LSAMP: variants seen among roughly 807,000 people sequenced by gnomAD.
The protein encoded by LSAMP is limbic system-associated membrane protein.
In LSAMP, 7 loss-of-function variants were observed where a neutral mutation model predicts 38.6. The observed-to-expected ratio is 0.18, with a 90% CI of 0.10 to 0.34. The LOEUF is 0.34. Among genes scored for constraint, LSAMP ranks in the 10% least tolerant of loss-of-function variants. LSAMP has a pLI of 1.00. For missense variants in LSAMP, 313 were observed against 420.0 expected (o/e 0.75, Z 2.23); for synonymous variants, 154 against 166.8 (o/e 0.92, Z 0.59).
chr3:116,170,170 T>C (rs1237297762), intron 1 of LSAMP, among the ~76,000 whole-genome samples: 2 of 152,156 alleles, frequency 1.3e-5, no homozygotes, highest in Admixed American at 6.6e-5. Context: ...AGATTAGACA[T>C]AACTAAATAA....
chr3:115,991,702 A>G (rs1241186025), intron 3 of LSAMP, among the ~76,000 whole-genome samples: 13 of 152,104 alleles, frequency 8.5e-5, no homozygotes, highest in Admixed American at 6.6e-4. Context: ...CACTCTGTCT[A>G]ACCTATTCTT....
chr3:116,367,123 T>C (rs2048365091), intron 1 of LSAMP, among the ~76,000 whole-genome samples: 1 of 152,142 alleles, frequency 6.6e-6, no homozygotes, highest in African/African-American at 2.4e-5. Context: ...GCTAAGATAA[T>C]TGGATTGTTT....
Position 115,810,247 on chromosome 3 carries a change from C to G in LSAMP, c.*70G>C, listed in dbSNP as rs1933777285. Reference sequence around the variant, plus strand: ...TCTCTCTCTCTCTCTCTCTCTCTGTCTCTCTCTCTCTGTATTCTGTGTGAC... The same window carrying G: ...TCTCTCTCTCTCTCTCTCTCTCTGTGTCTCTCTCTCTGTATTCTGTGTGAC... On this transcript the variant is annotated 3_prime_UTR_variant, in exon 7 of 7. Coordinates refer to ENST00000490035, the MANE Select transcript of LSAMP (RefSeq NM_002338.5). The G allele has an allele frequency of 3.4e-6, 3 of 889,184 alleles. No homozygotes were observed. Among genetic ancestry groups the G allele is most frequent in the African/African-American group, 1.7e-5 (1 of 57,704 alleles). The allele number at this position is 889,184 out of a possible 1,614,324, so 55.1% of individuals were successfully genotyped here.
chr3:116,088,423 C>A (rs1708042900), intron 1 of LSAMP, among the ~76,000 whole-genome samples: 1 of 152,098 alleles, frequency 6.6e-6, no homozygotes, highest in Non-Finnish European at 1.5e-5. Context: ...ATTCCAGACT[C>A]AGTTTTACTT....
intron 1 of LSAMP, among the ~76,000 whole-genome samples, chr3:116,213,462 A>T (rs1027094433): frequency 2.6e-5 from 4 of 152,184 alleles, no homozygotes; most frequent in African/African-American, 7.2e-5. Context: ...AGCCATGTGG[A>T]ATTGTAAGTC....
intron 1 of LSAMP, among the ~76,000 whole-genome samples, chr3:116,148,463 T>A (rs1348717485): frequency 6.6e-6 from 1 of 151,976 alleles, no homozygotes; most frequent in Non-Finnish European, 1.5e-5. Flanking sequence ...GACATGTTGC[T>A]ACAACATAAA....
chr3:116,019,619 A>T lies in LSAMP; in HGVS notation c.410T>A (p.Ile137Asn). 1 of 1,612,574 alleles carries T rather than the reference A, an allele frequency of 6.2e-7. No homozygotes were observed. The highest frequency in any genetic ancestry group is 8.5e-7 in the Non-Finnish European group (1 of 1,178,900). ...IVQVPPKISN[I>N]SSDVTVNEGS... is the part of the protein sequence containing the mutation. ...CTCATTCACAGTGACATCCGAGGAG[A>T]TATTGGAGATCTTTGGTGGGACTGT... The change falls in exon 3 of 7, where the codon ATC (isoleucine) becomes AAC (asparagine). Residue 137 changes from isoleucine to asparagine, a missense_variant. Transcript: ENST00000490035.
At chr3:116,388,649 C>T (rs2048655562) in intron 1 of LSAMP, among the ~76,000 whole-genome samples, 2 of 152,216 alleles carry the variant, frequency 1.3e-5, no homozygotes, top group South Asian at 2.1e-4. Flanking sequence ...TTCAGCTTCA[C>T]TGTCTTCTCT....
rs148921360 is a variant in LSAMP, at chr3:116,183,960, G to A, written c.156-97404C>T. ...GAGGACATTAAATATCATGTGAATG[G>A]ATACAGGAGCAATTCTATAAGCAAT... On this transcript the variant is annotated intron_variant, in intron 1 of 6. Transcript: ENST00000490035. 4.4e-4 allele frequency among the ~76,000 whole-genome samples: 66 copies of A among 151,710 alleles called. No homozygotes were observed. The East Asian group carries it at 0.011, about 25-fold the overall frequency.
intron 1 of LSAMP, among the ~76,000 whole-genome samples, chr3:116,144,918 G>T (rs1235499263): frequency 1.1e-4 from 17 of 151,836 alleles, no homozygotes. Flanking sequence ...GTTGGTTATA[G>T]AACTGTAGAA....
At chr3:116,131,822 T>C (rs1351943240) in intron 1 of LSAMP, among the ~76,000 whole-genome samples, 1 of 150,242 alleles carries the variant, frequency 6.7e-6, no homozygotes, top group Non-Finnish European at 1.5e-5. Context: ...CCTAAATTTC[T>C]TTTCTTTTTC....
At chr3:116,267,711 T>G (rs1256622301) in intron 1 of LSAMP, among the ~76,000 whole-genome samples, 3 of 152,050 alleles carry the variant, frequency 2.0e-5, no homozygotes, top group Non-Finnish European at 4.4e-5. Context: ...GTTCGTCTGT[T>G]TTTTAGACAT....
chr3:116,230,117 A>G (rs1038986940), intron 1 of LSAMP, among the ~76,000 whole-genome samples: 3 of 152,166 alleles, frequency 2.0e-5, no homozygotes, highest in Non-Finnish European at 4.4e-5. Context: ...AGTGGCAGGA[A>G]TATTTCCTCA....
chr3:115,922,900 C>T (rs1937415408), intron 3 of LSAMP, among the ~76,000 whole-genome samples: 1 of 152,150 alleles, frequency 6.6e-6, no homozygotes, highest in Admixed American at 6.5e-5. Flanking sequence ...GGTTTTATAG[C>T]AGCAGACTAC....
intron 3 of LSAMP, among the ~76,000 whole-genome samples, chr3:115,884,156 A>G (rs1936391847): frequency 6.6e-6 from 1 of 152,060 alleles, no homozygotes. Context: ...GGGATGAAGA[A>G]AAGAGAGAGC....
intron 6 of LSAMP, among the ~76,000 whole-genome samples, chr3:115,820,674 C>T (rs960665341): frequency 1.3e-5 from 2 of 152,218 alleles, no homozygotes; most frequent in African/African-American, 4.8e-5. Flanking sequence ...ACTCTATCCT[C>T]AGCTTGGTAT....
intron 2 of LSAMP, among the ~76,000 whole-genome samples, chr3:116,023,438 C>T (rs1159754143): frequency 7.1e-5 from 10 of 139,930 alleles, no homozygotes; most frequent in Non-Finnish European, 1.4e-4. Flanking sequence ...ACTAAAAATA[C>T]TAAAAAAAAA....
intron 1 of LSAMP, among the ~76,000 whole-genome samples, chr3:116,261,982 A>T (rs1346808645): frequency 2.6e-5 from 4 of 151,672 alleles, no homozygotes; most frequent in Admixed American, 2.6e-4. Context: ...AAGGGTTTTT[A>T]TACTTTATGT....
At chr3:116,196,540 T>C (rs1576425110) in intron 1 of LSAMP, among the ~76,000 whole-genome samples, 1 of 152,342 alleles carries the variant, frequency 6.6e-6, no homozygotes, top group South Asian at 2.1e-4. Context: ...ATCTAAGCTA[T>C]AATGTTCATT....
Sources: gnomAD v4.1 joint callset for allele counts (sites outside exome capture counted in the v4.1 genomes callset) on GRCh38, gnomAD v4.1.1 for gene constraint, MANE v1.5 for transcripts, NCBI Gene and HGNC (gene_info 2026-07-23, HGNC 2026-07-21) for gene names.